SGCZ: variants seen among roughly 807,000 people sequenced by gnomAD.
The protein encoded by SGCZ is sarcoglycan zeta, also known as zeta-sarcoglycan.
In SGCZ, 40 loss-of-function variants were observed where a neutral mutation model predicts 41.3. The observed-to-expected ratio is 0.97, with a 90% confidence interval of 0.75 to 1.26. SGCZ has a LOEUF of 1.26. Ranked by LOEUF, SGCZ falls within the 50% of genes most tolerant of loss-of-function variation. The pLI is 0.00. For missense variants in SGCZ, 552 were observed against 369.8 expected (o/e 1.49, Z -4.04); for synonymous variants, 206 against 137.5 (o/e 1.50, Z -3.49).
intron 1 of SGCZ, among the ~76,000 whole-genome samples, chr8:14,800,418 G>C (rs547874241): frequency 2.6e-5 from 4 of 152,256 alleles, no homozygotes; most frequent in Non-Finnish European, 5.9e-5. Context: ...AAAATGGAAA[G>C]GAATATTTTT....
At chr8:14,900,302 A>AT (rs1426933084) in intron 1 of SGCZ, among the ~76,000 whole-genome samples, 1 of 152,084 alleles carries the variant, frequency 6.6e-6, no homozygotes, top group Admixed American at 6.6e-5. Context: ...CAATTGGATG[A>AT]TTTTTTCTAA....
intron 1 of SGCZ, among the ~76,000 whole-genome samples, chr8:14,822,510 T>C (rs926797191): frequency 1.3e-5 from 2 of 152,088 alleles, no homozygotes; most frequent in Non-Finnish European, 2.9e-5. Flanking sequence ...CAAAAGACCC[T>C]AAATAGCCAA....
chr8:14,836,009 C>G (rs370441700), intron 1 of SGCZ, among the ~76,000 whole-genome samples: 12 of 152,124 alleles, frequency 7.9e-5, no homozygotes, highest in African/African-American at 2.9e-4. Flanking sequence ...AATAAAGCAG[C>G]TGAAACCATT....
chr8:14,559,473 A>G (rs1804141654), intron 1 of SGCZ, among the ~76,000 whole-genome samples: 1 of 152,158 alleles, frequency 6.6e-6, no homozygotes, highest in African/African-American at 2.4e-5. Context: ...CTACCGAAAG[A>G]AATTATAGAT....
intron 1 of SGCZ, among the ~76,000 whole-genome samples, chr8:14,673,626 A>G (rs1457620857): frequency 1.3e-5 from 2 of 152,180 alleles, no homozygotes; most frequent in Admixed American, 6.5e-5. Flanking sequence ...ATATTTTTAT[A>G]GCAGTGTGAA....
intron 1 of SGCZ, among the ~76,000 whole-genome samples, chr8:14,895,012 C>G (rs1473952812): frequency 6.6e-6 from 1 of 151,940 alleles, no homozygotes; most frequent in African/African-American, 2.4e-5. Flanking sequence ...GTTTGGGGGT[C>G]CAGGGTAATA....
intron 5 of SGCZ, among the ~76,000 whole-genome samples, chr8:14,119,913 C>T (rs917811931): frequency 6.6e-6 from 1 of 151,958 alleles, no homozygotes; most frequent in Admixed American, 6.6e-5. Flanking sequence ...GGATGAAGCC[C>T]ACTTGATTGT....
chr8:14,550,848 C>A (rs1803783248), intron 2 of SGCZ, among the ~76,000 whole-genome samples: 4 of 152,022 alleles, frequency 2.6e-5, no homozygotes. Flanking sequence ...GTAAAATGAT[C>A]TCTTGTAATG....
chr8:14,683,249 C>T (rs1808504916), intron 1 of SGCZ, among the ~76,000 whole-genome samples: 1 of 152,048 alleles, frequency 6.6e-6, no homozygotes, highest in African/African-American at 2.4e-5. Context: ...CTTACGATTA[C>T]AATCCATTTT....
chr8:14,657,224 A>T (rs17119940), intron 1 of SGCZ, among the ~76,000 whole-genome samples: 2 of 151,752 alleles, frequency 1.3e-5, no homozygotes, highest in Non-Finnish European at 2.9e-5. Context: ...TTTTCCCTGT[A>T]ACCCCAGAAA....
chr8:15,190,192 C>A (rs953267647), intron 1 of SGCZ, among the ~76,000 whole-genome samples: 3 of 152,158 alleles, frequency 2.0e-5, no homozygotes, highest in Admixed American at 6.5e-5. Flanking sequence ...AAATCCTTGG[C>A]TCATTTAATT....
chr8:14,991,360 C>T (rs1176286872), intron 1 of SGCZ, among the ~76,000 whole-genome samples: 2 of 152,166 alleles, frequency 1.3e-5, no homozygotes, highest in Non-Finnish European at 2.9e-5. Context: ...GTTAGGCTCA[C>T]TTCTGACCTA....
intron 1 of SGCZ, among the ~76,000 whole-genome samples, chr8:14,913,780 T>C (rs983083507): frequency 2.6e-5 from 4 of 152,082 alleles, no homozygotes; most frequent in African/African-American, 9.7e-5. Flanking sequence ...CAAATCAATG[T>C]AGGAAAATGG....
intron 1 of SGCZ, among the ~76,000 whole-genome samples, chr8:15,082,717 C>T: frequency 6.6e-6 from 1 of 152,070 alleles, no homozygotes; most frequent in African/African-American, 2.4e-5. Context: ...ACCTTTGTTA[C>T]TTTGAGGTTG....
chr8:14,849,618 T>A (rs1293310391), intron 1 of SGCZ, among the ~76,000 whole-genome samples: 1 of 152,146 alleles, frequency 6.6e-6, no homozygotes, highest in Non-Finnish European at 1.5e-5. Flanking sequence ...ATGAAGCAGA[T>A]CAGGGCTTTT....
intron 1 of SGCZ, among the ~76,000 whole-genome samples, chr8:14,711,297 G>T (rs749099406): frequency 5.9e-5 from 9 of 151,780 alleles, no homozygotes; most frequent in Non-Finnish European, 8.8e-5. Context: ...CATTAATAAT[G>T]TACATATGTT....
chr8:14,964,569 G>A (rs893111948), intron 1 of SGCZ, among the ~76,000 whole-genome samples: 3 of 152,184 alleles, frequency 2.0e-5, no homozygotes, highest in Admixed American at 6.5e-5. Flanking sequence ...GCAGGATGGG[G>A]TAGAGAGAAT....
At chr8:14,139,793 C>T (rs919546208) in intron 5 of SGCZ, among the ~76,000 whole-genome samples, 1 of 152,110 alleles carries the variant, frequency 6.6e-6, no homozygotes, top group Non-Finnish European at 1.5e-5. Context: ...TGAAACTATT[C>T]CAATCAATAG....
At chr8:14,323,890 G>A (rs1802008667) in intron 3 of SGCZ, among the ~76,000 whole-genome samples, 2 of 152,004 alleles carry the variant, frequency 1.3e-5, no homozygotes, top group South Asian at 2.1e-4. Flanking sequence ...TACACTGCAG[G>A]TTAGTTCAAA....
Sources: gnomAD v4.1 joint callset for allele counts (sites outside exome capture counted in the v4.1 genomes callset) on GRCh38, gnomAD v4.1.1 for gene constraint, MANE v1.5 for transcripts, NCBI Gene and HGNC (gene_info 2026-07-23, HGNC 2026-07-21) for gene names.